The following ASXL2 variants were observed in gnomAD, a reference collection of about 807,000 sequenced individuals.
The protein encoded by ASXL2 is putative Polycomb group protein ASXL2.
ASXL2 carries 23 observed loss-of-function variants against 122.0 expected under a neutral mutation model. The ratio of observed to expected loss-of-function variants is 0.19; its 90% CI spans 0.14 to 0.27. ASXL2 has a LOEUF of 0.27. Among genes scored for constraint, ASXL2 ranks in the 10% least tolerant of loss-of-function variants. ASXL2 has a pLI of 1.00. For missense variants in ASXL2, 1,518 were observed against 1,713.8 expected, an observed-to-expected ratio of 0.89 and a Z score of 2.02; for synonymous variants, 650 against 637.0, an observed-to-expected ratio of 1.02 and a Z score of -0.31.
chr2:25,742,957 T>C lies in ASXL2; in HGVS notation c.3380A>G (p.Asn1127Ser). 1.9e-6 allele frequency: 3 copies of C among 1,614,008 alleles called. No individual in the cohort carries two copies. Among genetic ancestry groups the C allele is most frequent in the Non-Finnish European group, 2.5e-6 (3 of 1,179,900 alleles). Residue 1127 changes from asparagine to serine, a missense_variant, in exon 13 of 13, where the codon AAT becomes AGT. This residue lies in a region of ASXL2 where 831 missense variants were observed against 833.1 expected (regional missense o/e 1.00). Transcript: ENST00000435504. Reference protein sequence around the residue: ...KPAMAGHYLLNISTYGRGSES... With the variant: ...KPAMAGHYLLSISTYGRGSES... ...TGAGCCCCGGCCGTAGGTAGAAATA[T>C]TCAGTAAGTAGTGCCCTGCCATTGC...
At chr2:25,764,328 C>T (rs1284098526) in intron 8 of ASXL2, among the ~76,000 whole-genome samples, 1 of 152,138 alleles carries the variant, frequency 6.6e-6, no homozygotes. Flanking sequence ...AATGTATACA[C>T]CAGGGGTGTC....
rs2087853108 is a variant in ASXL2, at chr2:25,742,711, T to A, written c.3626A>T (p.Asp1209Val). 6.2e-7 allele frequency: 1 copy of A among 1,613,998 alleles called. No individual in the cohort carries two copies. The highest frequency in any genetic ancestry group is 8.5e-7 in the Non-Finnish European group (1 of 1,179,890). ...CCTGCTGTGAGGTCCTGAACTTGTG[T>A]CACCCTTGCCAGCACTCTGGGAAAC... ...PQVSQSAGKG[D>V]TSSGPHSRET... Residue 1209 changes from aspartate to valine, a missense_variant, in exon 13 of 13, where the codon GAC (aspartate) becomes GTC (valine). Physicochemically the swap from Asp to Val is radical, Grantham distance 152. Around this residue, in one of 8 missense-constraint regions of ASXL2, gnomAD observed 831 missense variants for 833.1 expected, o/e 1.00. Coordinates refer to ENST00000435504, the MANE Select transcript of ASXL2 (RefSeq NM_018263.6).
chr2:25,845,221 TC>T, intron 2 of ASXL2: 1 of 466,584 alleles, frequency 2.1e-6, no homozygotes, highest in South Asian at 1.8e-5. Context: ...TGAAGATGGC[TC>T]CAGGTCTTCC....
intron 5 of ASXL2, among the ~76,000 whole-genome samples, chr2:25,787,853 G>A (rs2088773606): frequency 6.6e-6 from 1 of 152,142 alleles, no homozygotes; most frequent in Non-Finnish European, 1.5e-5. Context: ...GAGGGGAGAG[G>A]GGACATGTGG....
chr2:25,862,605 T>C (rs976276053), intron 1 of ASXL2, among the ~76,000 whole-genome samples: 16 of 152,204 alleles, frequency 1.1e-4, no homozygotes, highest in African/African-American at 3.9e-4. Flanking sequence ...TTTTGTTTGT[T>C]TGTTTGTTTT....
chr2:25,775,197 AG>A (rs1436862366), intron 5 of ASXL2, among the ~76,000 whole-genome samples: 7 of 152,060 alleles, frequency 4.6e-5, no homozygotes, highest in Admixed American at 2.0e-4. Context: ...GCACAATCTC[AG>A]CTCACTGCAA....
chr2:25,847,122 T>C (rs572260554), intron 1 of ASXL2, among the ~76,000 whole-genome samples: 4 of 152,324 alleles, frequency 2.6e-5, no homozygotes, highest in Admixed American at 2.6e-4. Flanking sequence ...CCAAACATAA[T>C]ACAGCAAGAT....
chr2:25,768,748 T>C lies in ASXL2; in HGVS notation c.625A>G (p.Lys209Glu). ...VKAASDSVPA[K>E]PATWEGKQSD... ...AACTGCCCAAACTGCCTACCAGGTT[T>C]GGCAGGTACAGAGTCACTGGCTGCT... The change falls in exon 7 of 13, where the codon AAA (lysine) becomes GAA (glutamate). Residue 209 changes from lysine (K) to glutamate (E), a missense_variant. By Grantham distance (56) the Lys-to-Glu change is moderately conservative. Around this residue, in one of 8 missense-constraint regions of ASXL2, gnomAD observed 198 missense variants for 209.0 expected, o/e 0.95. Coordinates refer to ENST00000435504, the MANE Select transcript of ASXL2 (RefSeq NM_018263.6). The C allele has an allele frequency of 6.2e-7, 1 of 1,612,654 alleles. No homozygotes were observed. Among genetic ancestry groups the C allele is most frequent in the Non-Finnish European group, 8.5e-7 (1 of 1,179,292 alleles).
At chr2:25,846,361 C>G (rs2089648936) in intron 1 of ASXL2, among the ~76,000 whole-genome samples, 1 of 152,110 alleles carries the variant, frequency 6.6e-6, no homozygotes, top group South Asian at 2.1e-4. Context: ...CATGATTCAT[C>G]TTGGCCAGGC....
intron 3 of ASXL2, among the ~76,000 whole-genome samples, chr2:25,828,233 C>T (rs1050393354): frequency 3.3e-5 from 5 of 151,564 alleles, no homozygotes; most frequent in Non-Finnish European, 7.4e-5. Context: ...CAGCTGGGTG[C>T]GGTGGCTCAT....
At chr2:25,762,823 A>C (rs2088278169) in intron 8 of ASXL2, among the ~76,000 whole-genome samples, 1 of 152,134 alleles carries the variant, frequency 6.6e-6, no homozygotes, top group African/African-American at 2.4e-5. Context: ...GTTGAAACCA[A>C]AACAAAGAAA....
chr2:25,835,269 T>C (rs1244274610), intron 3 of ASXL2, among the ~76,000 whole-genome samples: 1 of 152,238 alleles, frequency 6.6e-6, no homozygotes, highest in Non-Finnish European at 1.5e-5. Flanking sequence ...CCAACGCTTT[T>C]ATAAGTCAAA....
At chr2:25,791,658 C>T (rs1395382182) in intron 5 of ASXL2, among the ~76,000 whole-genome samples, 2 of 151,892 alleles carry the variant, frequency 1.3e-5, no homozygotes, top group Non-Finnish European at 2.9e-5. Context: ...CATCTTCTTG[C>T]CTTTATATAT....
At chr2:25,856,227 T>G (rs1164484020) in intron 1 of ASXL2, among the ~76,000 whole-genome samples, 2 of 151,912 alleles carry the variant, frequency 1.3e-5, no homozygotes, top group Non-Finnish European at 2.9e-5. Flanking sequence ...CAGCTAATTT[T>G]TGTATTTTTA....
chr2:25,793,198 C>T (rs1035831976), intron 5 of ASXL2, among the ~76,000 whole-genome samples: 2 of 151,912 alleles, frequency 1.3e-5, no homozygotes, highest in Non-Finnish European at 2.9e-5. Flanking sequence ...TGCCACTGCA[C>T]TCCAGCCTGG....
chr2:25,878,418 C>T lies in ASXL2; in HGVS notation c.-196G>A. On this transcript the variant is annotated 5_prime_UTR_variant, in exon 1 of 13. Coordinates refer to ENST00000435504, the MANE Select transcript of ASXL2 (RefSeq NM_018263.6). ...GTCTATGGGGCGGCCGGTCCTCTTG[C>T]TGCCGTTGCCACTGCTACCGCCGCT... 1.7e-6 allele frequency: 1 copy of T among 601,830 alleles called. No homozygotes were observed. Among genetic ancestry groups the T allele is most frequent in the South Asian group, 2.0e-5 (1 of 50,558 alleles). 37.3% of individuals were successfully genotyped at this position (601,830 alleles called of 1,614,324 possible). A position where few individuals can be genotyped will look rare whatever the true frequency, so the allele number is the denominator to read the frequency against.
chr2:25,814,651 T>C (rs1015772104), intron 3 of ASXL2, among the ~76,000 whole-genome samples: 1 of 152,234 alleles, frequency 6.6e-6, no homozygotes, highest in Non-Finnish European at 1.5e-5. Flanking sequence ...AACATACTAA[T>C]ATGTTTTGTA....
At chr2:25,806,080 A>T (rs1433250638) in intron 4 of ASXL2, 149 bp downstream of exon 4, 5 of 515,840 alleles carry the variant, frequency 9.7e-6, no homozygotes, top group Middle Eastern at 4.4e-4. Context: ...ATTAGTTTTT[A>T]AAAAATGTAT....
intron 11 of ASXL2, among the ~76,000 whole-genome samples, chr2:25,751,531 G>A (rs2088045083): frequency 1.3e-5 from 2 of 152,022 alleles, no homozygotes; most frequent in Admixed American, 1.3e-4. Context: ...CTACTCAGGA[G>A]GCTGAGGTGG....
Sources: gnomAD v4.1 joint callset for allele counts (sites outside exome capture counted in the v4.1 genomes callset) on GRCh38, gnomAD v4.1.1 for gene constraint, gnomAD v4.1.1 regional missense constraint, MANE v1.5 for transcripts, NCBI Gene and HGNC (gene_info 2026-07-23, HGNC 2026-07-21) for gene names.